MARCHF10: variants seen among roughly 807,000 people sequenced by gnomAD.
The protein encoded by MARCHF10 is membrane associated ring-CH-type finger 10.
MARCHF10 carries 64 observed loss-of-function variants against 76.2 expected under a neutral mutation model. That is an observed-to-expected ratio of 0.84 (90% CI 0.69 to 1.03). The LOEUF (loss-of-function observed/expected upper bound fraction) is 1.03. Ranked by LOEUF, MARCHF10 falls within the 50% of genes least tolerant of loss-of-function variation. MARCHF10 has a pLI of 0.00. For synonymous variants in MARCHF10, 340 were observed against 357.5 expected, an observed-to-expected ratio of 0.95 and a Z score of 0.55; for missense variants, 875 against 958.0, an observed-to-expected ratio of 0.91 and a Z score of 1.14.
At chr17:62,710,292 T>A (rs911277399) in intron 9 of MARCHF10, among the ~76,000 whole-genome samples, 2 of 152,232 alleles carry the variant, frequency 1.3e-5, no homozygotes, top group African/African-American at 4.8e-5. Flanking sequence ...TACAGAAATG[T>A]TAACAAAGGA....
chr17:62,759,753 G>A, intron 4 of MARCHF10, 82 bp downstream of exon 4: 18 of 1,428,900 alleles, frequency 1.3e-5, no homozygotes, highest in Non-Finnish European at 1.7e-5. Flanking sequence ...TTACAGGCGT[G>A]AGCCACCGTG....
At position 62,725,097 on chromosome 17, in the gene MARCHF10, C is replaced by T. The variant is rs2090690480; in HGVS notation, c.1945G>A (p.Glu649Lys). 5 of 1,588,070 alleles carry T rather than the reference C, an allele frequency of 3.1e-6. No individual in the cohort carries two copies. The highest frequency in any genetic ancestry group is 4.3e-6 in the Non-Finnish European group (5 of 1,171,636). ...TCTCCCTCCTCCTCGGAGTCCTCCT[C>T]CAGGAGACTAAATGTGAAAACAAGC... ...KLKKLQESLL[E>K]EDSEEEGDLC... Residue 649 changes from glutamate (E) to lysine (K), a missense_variant, in exon 7 of 11, where the codon GAG becomes AAG. Coordinates refer to ENST00000311269, the MANE Select transcript of MARCHF10 (RefSeq NM_152598.4).
intron 2 of MARCHF10, among the ~76,000 whole-genome samples, chr17:62,791,254 T>C (rs2092837070): frequency 6.6e-6 from 1 of 152,230 alleles, no homozygotes; most frequent in Non-Finnish European, 1.5e-5. Flanking sequence ...TGGGAGCTTG[T>C]GTTTGGAAAG....
intron 4 of MARCHF10, among the ~76,000 whole-genome samples, chr17:62,751,547 A>T (rs1185465217): frequency 6.6e-6 from 1 of 152,228 alleles, no homozygotes; most frequent in Admixed American, 6.5e-5. Context: ...TTGTTCAAAA[A>T]TAGTTTCGCA....
In MARCHF10 at chr17:62,777,713, C is replaced by CAA. The variant is rs386386400; in HGVS notation, c.210+10765_210+10766dup. 0.02 allele frequency among the ~76,000 whole-genome samples: 1,217 copies of CAA among 59,514 alleles called. 190 individuals carry two copies. The East Asian group carries it at 0.3, about 15-fold the overall frequency. 39.0% of individuals were successfully genotyped at this position (59,514 alleles called of 152,430 possible). A position where few individuals can be genotyped will look rare whatever the true frequency, so the allele number is the denominator to read the frequency against. On this transcript the variant is annotated intron_variant, in intron 3 of 10. Transcript: ENST00000311269. The stretch of plus-strand genomic sequence containing the variant: ...TGGGTTACAAAGTGAGACTCCATCT[C>CAA]AAAAAAAAAAAAAAGAAAAAAAAAA...
At chr17:62,737,598 A>AG in intron 5 of MARCHF10, 1 of 459,052 alleles carries the variant, frequency 2.2e-6, no homozygotes, top group Non-Finnish European at 3.8e-6. Flanking sequence ...AGCTCCCGGA[A>AG]GACTGGCCCA....
At chr17:62,785,777 T>G (rs555883034) in intron 3 of MARCHF10, among the ~76,000 whole-genome samples, 243 of 152,176 alleles carry the variant, frequency 1.6e-3, no homozygotes, top group African/African-American at 5.7e-3. Context: ...CATGAAAAAA[T>G]GCTCATCATC....
intron 3 of MARCHF10, among the ~76,000 whole-genome samples, chr17:62,768,924 T>C (rs1235353349): frequency 1.3e-5 from 2 of 152,226 alleles, no homozygotes; most frequent in Admixed American, 6.5e-5. Context: ...GATCAATGAT[T>C]CAGTCAAGGC....
intron 9 of MARCHF10, 103 bp from the exon 10 acceptor site, chr17:62,705,684 C>T: frequency 7.0e-7 from 1 of 1,418,678 alleles, no homozygotes; most frequent in Non-Finnish European, 9.7e-7. Context: ...ATCCCTTACA[C>T]CACTTTAAAG....
At chr17:62,760,829 C>T (rs749290519) in intron 3 of MARCHF10, among the ~76,000 whole-genome samples, 2 of 152,232 alleles carry the variant, frequency 1.3e-5, no homozygotes, top group African/African-American at 4.8e-5. Context: ...CCCCCTTCCC[C>T]GACCCTGGGG....
intron 3 of MARCHF10, among the ~76,000 whole-genome samples, chr17:62,762,110 G>A (rs2147961192): frequency 6.6e-6 from 1 of 152,310 alleles, no homozygotes; most frequent in Non-Finnish European, 1.5e-5. Flanking sequence ...CCCCCAGCCA[G>A]GGCCGGAATT....
At chr17:62,708,062 C>T (rs1244361518) in intron 9 of MARCHF10, among the ~76,000 whole-genome samples, 2 of 152,116 alleles carry the variant, frequency 1.3e-5, no homozygotes, top group African/African-American at 4.8e-5. Context: ...CCCGCCAGTG[C>T]ACTCCAGCCT....
At chr17:62,780,600 T>C (rs917135996) in intron 3 of MARCHF10, among the ~76,000 whole-genome samples, 3 of 152,198 alleles carry the variant, frequency 2.0e-5, no homozygotes, top group African/African-American at 7.2e-5. Context: ...GGAATCTAAA[T>C]ATTTAGCACT....
At chr17:62,791,328 A>G (rs2092838581) in intron 2 of MARCHF10, among the ~76,000 whole-genome samples, 1 of 152,228 alleles carries the variant, frequency 6.6e-6, no homozygotes, top group Admixed American at 6.5e-5. Context: ...ACCTACTGGT[A>G]TTAAAGGCAA....
intron 2 of MARCHF10, 108 bp downstream of exon 2, chr17:62,801,538 T>C: frequency 1.1e-6 from 1 of 928,380 alleles, no homozygotes; most frequent in Non-Finnish European, 1.7e-6. Flanking sequence ...TCGGTGGGTT[T>C]GGATTTTAGA....
chr17:62,729,337 G>A (rs1290400487), intron 6 of MARCHF10, among the ~76,000 whole-genome samples: 2 of 151,640 alleles, frequency 1.3e-5, no homozygotes, highest in East Asian at 3.9e-4. Flanking sequence ...ATATTTATAA[G>A]TATTGAATAT....
intron 4 of MARCHF10, among the ~76,000 whole-genome samples, chr17:62,748,340 T>C (rs1599207931): frequency 6.6e-6 from 1 of 151,276 alleles, no homozygotes; most frequent in Non-Finnish European, 1.5e-5. Flanking sequence ...GAGGTTGCAG[T>C]GAGCCGAGAT....
chr17:62,705,292 TC>T lies in MARCHF10; in HGVS notation c.2371+246del, dbSNP rs1427593560. On this transcript the variant is annotated intron_variant, in intron 10 of 10. Coordinates refer to ENST00000311269, the MANE Select transcript of MARCHF10 (RefSeq NM_152598.4). ...TATCTCATGCCGGAAGATAACCTCT[TC>T]CCTTTGTTGGCGCCTTTCCTTGCGT... 9.7e-6 allele frequency: 14 copies of T among 1,438,642 alleles called. No homozygotes were observed. In the African/African-American group the frequency reaches 1.0e-4, roughly 10 times the overall value. The allele number at this position is 1,438,642 out of a possible 1,614,324, so 89.1% of individuals were successfully genotyped here. A position where few individuals can be genotyped will look rare whatever the true frequency, so the allele number is the denominator to read the frequency against.
At chr17:62,756,239 ACT>A (rs2092038942) in intron 4 of MARCHF10, among the ~76,000 whole-genome samples, 2 of 152,106 alleles carry the variant, frequency 1.3e-5, no homozygotes, top group Non-Finnish European at 1.5e-5. Flanking sequence ...CAAGAGTGAA[ACT>A]CTGTCTCAAA....
Sources: allele counts gnomAD v4.1 joint callset (sites outside exome capture counted in the v4.1 genomes callset), GRCh38; gene constraint gnomAD v4.1.1; transcripts MANE v1.5; gene names NCBI Gene and HGNC (gene_info 2026-07-23, HGNC 2026-07-21).